Variants in ANKRD44 observed in about 807,000 individuals in gnomAD.
The protein encoded by ANKRD44 is ankyrin repeat domain 44.
Under a neutral mutation model 116.0 loss-of-function variants are expected in ANKRD44, and 35 were observed. The ratio of observed to expected loss-of-function variants is 0.30; its 90% CI spans 0.23 to 0.40. ANKRD44 has a LOEUF of 0.40. Among genes scored for constraint, ANKRD44 ranks in the 10% least tolerant of loss-of-function variants. ANKRD44 has a pLI of 1.00. For synonymous variants in ANKRD44, 435 were observed against 461.8 expected (o/e 0.94, Z 0.74); for missense variants, 1,014 against 1,242.6 (o/e 0.82, Z 2.77).
chr2:197,282,871 T>C (rs1456193189), intron 1 of ANKRD44, among the ~76,000 whole-genome samples: 2 of 152,124 alleles, frequency 1.3e-5, no homozygotes, highest in Non-Finnish European at 1.5e-5. Context: ...GGCAGGAGGA[T>C]CATTTGAATC....
At chr2:197,027,788 C>T (rs988882174) in intron 16 of ANKRD44, among the ~76,000 whole-genome samples, 5 of 150,620 alleles carry the variant, frequency 3.3e-5, no homozygotes, top group African/African-American at 1.2e-4. Context: ...CCAGGCTTAA[C>T]GGATTCTCCC....
chr2:197,068,413 A>AT (rs2077487553), intron 16 of ANKRD44, among the ~76,000 whole-genome samples: 1 of 149,142 alleles, frequency 6.7e-6, no homozygotes, highest in Non-Finnish European at 1.5e-5. Context: ...ATAAAATAAA[A>AT]AAAAATAAAA....
chr2:197,291,294 G>A (rs1204416652), intron 1 of ANKRD44, among the ~76,000 whole-genome samples: 1 of 152,200 alleles, frequency 6.6e-6, no homozygotes, highest in African/African-American at 2.4e-5. Flanking sequence ...TGGATCACCT[G>A]AGGTCAGCAG....
intron 16 of ANKRD44, among the ~76,000 whole-genome samples, chr2:197,066,798 G>A (rs1173151703): frequency 1.3e-5 from 2 of 152,100 alleles, no homozygotes; most frequent in African/African-American, 2.4e-5. Context: ...ACAAACAAAT[G>A]GAAGAACATT....
chr2:197,030,726 CT>C (rs112849726), intron 16 of ANKRD44, among the ~76,000 whole-genome samples: 26,089 of 148,150 alleles, frequency 0.18, 4,170 homozygotes, highest in African/African-American at 0.44. Context: ...AAAAATAAAA[CT>C]TTTTTTTTTT....
At chr2:197,238,830 G>C (rs1015766234) in intron 1 of ANKRD44, among the ~76,000 whole-genome samples, 1 of 151,892 alleles carries the variant, frequency 6.6e-6, no homozygotes, top group Non-Finnish European at 1.5e-5. Flanking sequence ...TCAGCCTCCC[G>C]GGTAGCTGGG....
In ANKRD44 at chr2:197,084,009, C is replaced by T. The variant is rs566946620; in HGVS notation, c.1317-500G>A. Among the ~76,000 whole-genome samples, 14 of 152,158 alleles carry T rather than the reference C, an allele frequency of 9.2e-5. No individual in the cohort carries two copies. The East Asian group carries it at 1.5e-3, about 17-fold the overall frequency. On this transcript the variant is annotated intron_variant, in intron 13 of 27. Transcript: ENST00000282272. ...AAGCCCATCCTATTGGCTTCCTTAG[C>T]GCTAATCAAGTGTCCATAATTTCTA... is the stretch of plus-strand genomic sequence containing the variant.
At chr2:196,972,571 A>C (rs1256821554) in intron 21 of ANKRD44, among the ~76,000 whole-genome samples, 1 of 152,228 alleles carries the variant, frequency 6.6e-6, no homozygotes, top group African/African-American at 2.4e-5. Flanking sequence ...AAATATGGTG[A>C]TAGAACATAT....
intron 1 of ANKRD44, among the ~76,000 whole-genome samples, chr2:197,215,588 A>G (rs1037731897): frequency 6.6e-6 from 1 of 152,230 alleles, no homozygotes; most frequent in East Asian, 1.9e-4. Flanking sequence ...ATTAAATGAA[A>G]TCAAATCAAA....
At chr2:197,090,869 C>T (rs2078027749) in intron 10 of ANKRD44, among the ~76,000 whole-genome samples, 1 of 152,180 alleles carries the variant, frequency 6.6e-6, no homozygotes, top group African/African-American at 2.4e-5. Context: ...GACAGCTGGA[C>T]TTCAGGGGAA....
At chr2:197,069,948 C>T (rs969327953) in intron 16 of ANKRD44, among the ~76,000 whole-genome samples, 8 of 151,658 alleles carry the variant, frequency 5.3e-5, no homozygotes, top group African/African-American at 1.7e-4. Flanking sequence ...TTTCAACACA[C>T]GTCTTTTGGA....
chr2:197,120,927 A>G (rs1431939404), intron 8 of ANKRD44, among the ~76,000 whole-genome samples: 3 of 148,700 alleles, frequency 2.0e-5, no homozygotes, highest in East Asian at 3.9e-4. Flanking sequence ...AAAATAACAC[A>G]ACTTTTTTTT....
At chr2:197,254,765 C>T (rs935883022) in intron 1 of ANKRD44, among the ~76,000 whole-genome samples, 1 of 151,476 alleles carries the variant, frequency 6.6e-6, no homozygotes, top group East Asian at 1.9e-4. Context: ...CACACACACA[C>T]ATATATATAT....
intron 27 of ANKRD44, among the ~76,000 whole-genome samples, chr2:196,992,405 C>T (rs1424502591): frequency 2.6e-5 from 4 of 152,166 alleles, no homozygotes; most frequent in Non-Finnish European, 4.4e-5. Context: ...TTGCCCCAAA[C>T]GTTCCCAGGC....
At position 197,030,808 on chromosome 2, in the gene ANKRD44, G is replaced by A. The variant is rs2076691262; in HGVS notation, c.1651-5541C>T. On this transcript the variant is annotated intron_variant, in intron 16 of 27. Transcript: ENST00000282272. ...GACTGATTCAAAGAGCAATACAAGT[G>A]CTTTTGTTGTTGGTGGTGGTGTTGT... is the stretch of plus-strand genomic sequence containing the variant. Among the ~76,000 whole-genome samples the A allele has an allele frequency of 2.0e-5, 3 of 151,998 alleles. No homozygotes were observed. In the South Asian group the frequency reaches 6.2e-4, roughly 32 times the overall value.
At chr2:197,038,661 T>C (rs762891485) in intron 16 of ANKRD44, among the ~76,000 whole-genome samples, 103 of 152,252 alleles carry the variant, frequency 6.8e-4, no homozygotes, top group African/African-American at 2.4e-3. Flanking sequence ...GTTTTCTGGT[T>C]GTAGAATACC....
intron 2 of ANKRD44, among the ~76,000 whole-genome samples, chr2:197,152,137 G>T (rs1000737460): frequency 1.3e-5 from 2 of 152,206 alleles, no homozygotes; most frequent in East Asian, 3.8e-4. Context: ...TTGGAATCCA[G>T]TACCAGGACA....
intron 9 of ANKRD44, among the ~76,000 whole-genome samples, chr2:197,106,539 C>T (rs1432611853): frequency 6.6e-6 from 1 of 152,136 alleles, no homozygotes; most frequent in Admixed American, 6.5e-5. Flanking sequence ...CCTGTAATCC[C>T]AGCACTTTGG....
intron 1 of ANKRD44, among the ~76,000 whole-genome samples, chr2:197,275,766 C>T (rs2083062254): frequency 6.6e-6 from 1 of 152,074 alleles, no homozygotes; most frequent in Non-Finnish European, 1.5e-5. Context: ...AGCAGGAACG[C>T]TACAGTCCTA....
Sources: gnomAD v4.1 joint callset for allele counts (sites outside exome capture counted in the v4.1 genomes callset) on GRCh38, gnomAD v4.1.1 for gene constraint, MANE v1.5 for transcripts, NCBI Gene and HGNC (gene_info 2026-07-23, HGNC 2026-07-21) for gene names.